The following SRSF1 variants were observed in gnomAD, a reference collection of about 807,000 sequenced individuals.
The protein encoded by SRSF1 is serine/arginine-rich splicing factor 1.
SRSF1 carries 1 observed loss-of-function variant against 25.9 expected under a neutral mutation model. The ratio of observed to expected loss-of-function variants is 0.04; its 90% CI spans 0.01 to 0.18. The LOEUF (loss-of-function observed/expected upper bound fraction) is 0.18, where lower values mean the gene tolerates loss of function less well. SRSF1 is among the 10% of genes least tolerant of loss of function. The pLI is 1.00. For missense variants in SRSF1, 65 were observed against 350.5 expected (o/e 0.19, Z 6.50); for synonymous variants, 132 against 126.2 (o/e 1.05, Z -0.31).
At chr17:57,998,722 T>C (rs1277488251), downstream of SRSF1, among the ~76,000 whole-genome samples, 1 of 152,232 alleles carries the variant, frequency 6.6e-6, no homozygotes, top group Non-Finnish European at 1.5e-5. Flanking sequence ...CCTTGCTACT[T>C]AGTGTTACCT....
In SRSF1 at chr17:58,005,469, T is replaced by A; in HGVS notation, c.684A>T (p.Pro228=). The A allele has an allele frequency of 6.2e-7, 1 of 1,614,190 alleles. No individual in the cohort carries two copies. Among genetic ancestry groups the A allele is most frequent in the Non-Finnish European group, 8.5e-7 (1 of 1,180,030 alleles). The stretch of plus-strand genomic sequence containing the variant: ...AGCGTGGTGATCCTCTGCTTCTCCT[T>A]GGGGAGTAACTGCGACTCCTGCTGT... The part of the protein sequence containing the change: ...RSNSRSRSYS[P]RRSRGSPRYS... Residue 228 remains proline, a synonymous_variant, in exon 4 of 4, where the codon CCA becomes CCT. Coordinates refer to ENST00000258962, the MANE Select transcript of SRSF1 (RefSeq NM_006924.5). The surrounding 1 kb of genome is among the most constrained non-coding windows in gnomAD (Gnocchi z 5.2).
rs2075416246 is a variant in SRSF1 at position 58,004,813 on chromosome 17, T to C, written c.*593A>G. The C allele has an allele frequency of 5.0e-6, 2 of 396,536 alleles. No individual in the cohort carries two copies. Among genetic ancestry groups the C allele is most frequent in the South Asian group, 1.4e-4 (1 of 7,094 alleles). 24.6% of individuals were successfully genotyped at this position (396,536 alleles called of 1,614,324 possible). A position where few individuals can be genotyped will look rare whatever the true frequency, so the allele number is the denominator to read the frequency against. The stretch of plus-strand genomic sequence containing the variant: ...TGTAGCTAAAGACAACTGAATAAAA[T>C]GTTTGCAAGTGTTTTAAGGAAAATG... On this transcript the variant is annotated 3_prime_UTR_variant, in exon 4 of 4. Transcript: ENST00000258962.
rs2075436813 is a variant in SRSF1, at chr17:58,007,203, A to G, written c.-66T>C. On this transcript the variant is annotated 5_prime_UTR_variant, in exon 1 of 4. Coordinates refer to ENST00000258962, the MANE Select transcript of SRSF1 (RefSeq NM_006924.5). The stretch of plus-strand genomic sequence containing the variant: ...ACCAAGCCTAGCGCACGGCAGAGCG[A>G]GCCCGCAGCGGCACCACGTCTCCCG... 2.5e-6 allele frequency: 4 copies of G among 1,580,240 alleles called. No individual in the cohort carries two copies. The highest frequency in any genetic ancestry group is 1.7e-6 in the Non-Finnish European group (2 of 1,159,350).
In SRSF1 at chr17:58,005,676, GT is replaced by G; in HGVS notation, c.553-77del. On this transcript the variant is annotated intron_variant, in intron 3 of 3. Transcript: ENST00000258962. The surrounding 1 kb of genome is among the most constrained non-coding windows in gnomAD (Gnocchi z 5.2). Reference sequence around the variant, plus strand: ...TTCAGACATGCTGAATGAATACAATGTAACTAAAACCAGAAATCTGGCAATT... The same window carrying G: ...TTCAGACATGCTGAATGAATACAATGAACTAAAACCAGAAATCTGGCAATT... The G allele has an allele frequency of 5.0e-6, 8 of 1,608,238 alleles. No individual in the cohort carries two copies. Among genetic ancestry groups the G allele is most frequent in the Non-Finnish European group, 6.8e-6 (8 of 1,176,272 alleles).
chr17:57,992,680 A>T, the SRSF1 span: 4 of 152,294 alleles, frequency 2.6e-5, no homozygotes, highest in South Asian at 8.3e-4. Context: ...ATGCAAAAAA[A>T]TTTACTAATT....
chr17:58,006,068 T>G, intron 2 of SRSF1, 95 bp from the exon 3 acceptor site: 1 of 1,202,824 alleles, frequency 8.3e-7, no homozygotes, highest in Non-Finnish European at 1.2e-6. Flanking sequence ...TTTAAAGTAC[T>G]TAATAGGTGT....
rs1224433796 is a variant in SRSF1 at position 58,003,773 on chromosome 17, C to T, written c.*1633G>A. ...CATCGTGCATCTTAAGGGCTCCAAT[C>T]GTCAAAAATAGGAAAAAAAAAATCT... On this transcript the variant is annotated 3_prime_UTR_variant, in exon 4 of 4. Transcript: ENST00000258962. The T allele has an allele frequency of 1.3e-5, 2 of 152,038 alleles. No homozygotes were observed. Among genetic ancestry groups the T allele is most frequent in the African/African-American group, 4.9e-5 (2 of 41,220 alleles). 9.4% of individuals were successfully genotyped at this position (152,038 alleles called of 1,614,324 possible).
intron 2 of SRSF1, 173 bp downstream of exon 2, chr17:58,006,170 C>T: frequency 1.0e-6 from 1 of 996,400 alleles, no homozygotes; most frequent in Non-Finnish European, 1.5e-6. Context: ...AGTACCGCAA[C>T]CTAATTTGGT....
downstream of SRSF1, among the ~76,000 whole-genome samples, chr17:57,997,401 T>C (rs1252671390): frequency 6.6e-6 from 1 of 152,184 alleles, no homozygotes; most frequent in Non-Finnish European, 1.5e-5. Flanking sequence ...ACTAAATTCT[T>C]CCCATCTCGC....
rs2075429088 is a variant in SRSF1 at position 58,006,532 on chromosome 17, G to A, written c.195-5C>T. 1.9e-6 allele frequency: 3 copies of A among 1,609,310 alleles called. No individual in the cohort carries two copies. Among genetic ancestry groups the A allele is most frequent in the Non-Finnish European group, 1.7e-6 (2 of 1,177,338 alleles). Reference sequence around the variant, plus strand: ...TACACCGCGTCTTCCGCGTCTCTGCGGGATCGCAGAAAGTAAAAGGGATGA... The same window carrying A: ...TACACCGCGTCTTCCGCGTCTCTGCAGGATCGCAGAAAGTAAAAGGGATGA... On this transcript the variant is annotated splice_polypyrimidine_tract_variant and splice_region_variant and intron_variant, in intron 1 of 3. Coordinates refer to ENST00000258962, the MANE Select transcript of SRSF1 (RefSeq NM_006924.5).
At chr17:57,997,834 ATTT>A (rs1247599183), downstream of SRSF1, among the ~76,000 whole-genome samples, 1 of 152,294 alleles carries the variant, frequency 6.6e-6, no homozygotes, top group East Asian at 1.9e-4. Context: ...CAAATTTACT[ATTT>A]TTAGAGTACA....
chr17:57,995,921 CTGCT>C (rs1269066724), downstream of SRSF1, among the ~76,000 whole-genome samples: 1 of 152,026 alleles, frequency 6.6e-6, no homozygotes, highest in East Asian at 1.9e-4. Flanking sequence ...GGTGGGAGGC[CTGCT>C]TAAGCCCAGG....
chr17:57,997,570 T>C (rs1381865722), downstream of SRSF1, among the ~76,000 whole-genome samples: 1 of 152,190 alleles, frequency 6.6e-6, no homozygotes, highest in Admixed American at 6.5e-5. Flanking sequence ...AAAGGTAGAA[T>C]ATAACCCATT....
At chr17:57,991,501 G>C in the SRSF1 span, 1 of 152,094 alleles carries the variant, frequency 6.6e-6, no homozygotes, top group Admixed American at 6.6e-5. Flanking sequence ...AGCCAGAACT[G>C]ACAATTAACA....
chr17:57,995,782 A>G, the SRSF1 span, among the ~76,000 whole-genome samples: 1 of 152,352 alleles, frequency 6.6e-6, no homozygotes, highest in Non-Finnish European at 1.5e-5. Context: ...CTGCCCCTTT[A>G]ACATCTCTGG....
chr17:58,005,172 G>T lies in SRSF1; in HGVS notation c.*234C>A. 1.7e-6 allele frequency: 1 copy of T among 572,408 alleles called. No individual in the cohort carries two copies. 35.5% of individuals were successfully genotyped at this position (572,408 alleles called of 1,614,324 possible). A position where few individuals can be genotyped will look rare whatever the true frequency, so the allele number is the denominator to read the frequency against. The stretch of plus-strand genomic sequence containing the variant: ...CATTTACACAATATCACAGTCTGAA[G>T]AGTATGGAGTTAACTAAATTTAAAC... On this transcript the variant is annotated 3_prime_UTR_variant, in exon 4 of 4. Coordinates refer to ENST00000258962, the MANE Select transcript of SRSF1 (RefSeq NM_006924.5). The surrounding 1 kb of genome is among the most constrained non-coding windows in gnomAD (Gnocchi z 5.2).
chr17:57,996,633 A>G (rs1439301211), downstream of SRSF1, among the ~76,000 whole-genome samples: 1 of 152,198 alleles, frequency 6.6e-6, no homozygotes, highest in East Asian at 1.9e-4. Context: ...AAAGCAAATA[A>G]GAAACAACGC....
rs201477973 is a variant in SRSF1, at chr17:58,007,157, G to C, written c.-20C>G. The C allele has an allele frequency of 6.8e-6, 11 of 1,613,092 alleles. No individual in the cohort carries two copies. The highest frequency in any genetic ancestry group is 8.5e-6 in the Non-Finnish European group (10 of 1,179,812). ...CGACATGGCGGTGACGAAAAGCGCG[G>C]ACTCGAGAACAGGCCTTCCCACCAA... On this transcript the variant is annotated 5_prime_UTR_variant, in exon 1 of 4. Coordinates refer to ENST00000258962, the MANE Select transcript of SRSF1 (RefSeq NM_006924.5).
chr17:57,997,862 G>A (rs1404183973), downstream of SRSF1, among the ~76,000 whole-genome samples: 5 of 152,194 alleles, frequency 3.3e-5, no homozygotes, highest in Admixed American at 3.3e-4. Flanking sequence ...AGCCATTTGA[G>A]TTTTCTTTGG....
Sources: allele counts gnomAD v4.1 joint callset (sites outside exome capture counted in the v4.1 genomes callset), GRCh38; gene constraint gnomAD v4.1.1; non-coding constraint Gnocchi (gnomAD v3.1); transcripts MANE v1.5; gene names NCBI Gene and HGNC (gene_info 2026-07-23, HGNC 2026-07-21).